Variants in ABAT observed in about 807,000 individuals in gnomAD.
The protein encoded by ABAT is 4-aminobutyrate aminotransferase, mitochondrial.
In ABAT, 45 loss-of-function variants were observed where a neutral mutation model predicts 64.6. That is an observed-to-expected ratio of 0.70 (90% CI 0.55 to 0.89). The LOEUF is 0.89. ABAT is among the 40% of genes least tolerant of loss of function. The pLI is 0.00. For synonymous variants in ABAT, 297 were observed against 250.5 expected (o/e 1.19, Z -1.75); for missense variants, 633 against 658.4 (o/e 0.96, Z 0.42).
Position 8,764,226 on chromosome 16 carries a change from A to G in ABAT, c.447+77A>G. On this transcript the variant is annotated intron_variant, in intron 7 of 15. Transcript: ENST00000268251. This position sits in a 1 kb window ranked among gnomAD's most constrained non-coding sequence, Gnocchi z 4.2. Reference sequence around the variant, plus strand: ...GAAGGGAAAAGTGGAGACGCCAACAATGAAGAATAAGGTGTTGCTACAGAA... The same window carrying G: ...GAAGGGAAAAGTGGAGACGCCAACAGTGAAGAATAAGGTGTTGCTACAGAA... 1 of 1,174,468 alleles carries G rather than the reference A, an allele frequency of 8.5e-7. No individual in the cohort carries two copies. Among genetic ancestry groups the G allele is most frequent in the Non-Finnish European group, 1.3e-6 (1 of 786,146 alleles). The allele number at this position is 1,174,468 out of a possible 1,614,324, so 72.8% of individuals were successfully genotyped here.
At chr16:8,687,531 CA>C (rs1032207160) in intron 1 of ABAT, among the ~76,000 whole-genome samples, 1 of 152,110 alleles carries the variant, frequency 6.6e-6, no homozygotes, top group South Asian at 2.1e-4. Flanking sequence ...TCTCAAAAAA[CA>C]AAAAACAAAA....
intron 6 of ABAT, among the ~76,000 whole-genome samples, chr16:8,758,064 C>T (rs1484878591): frequency 6.6e-6 from 1 of 152,170 alleles, no homozygotes; most frequent in African/African-American, 2.4e-5. Flanking sequence ...GTAAGGTAGG[C>T]AGCGCTTTGT....
At chr16:8,703,988 G>C (rs1442989270) in intron 1 of ABAT, among the ~76,000 whole-genome samples, 2 of 152,214 alleles carry the variant, frequency 1.3e-5, no homozygotes, top group African/African-American at 4.8e-5. Context: ...CCAGAGCACA[G>C]AGCCTCAAGA....
At chr16:8,700,190 T>C (rs572990153) in intron 1 of ABAT, among the ~76,000 whole-genome samples, 1 of 152,302 alleles carries the variant, frequency 6.6e-6, no homozygotes, top group East Asian at 1.9e-4. Flanking sequence ...GACATGAGTA[T>C]TGCAGGTGTG....
At chr16:8,773,103 T>TACACACAC (rs1354262302) in intron 12 of ABAT, among the ~76,000 whole-genome samples, 186 bp downstream of exon 12, 5 of 51,416 alleles carry the variant, frequency 9.7e-5, no homozygotes, top group African/African-American at 1.9e-4. Context: ...TCCCTAAAAC[T>TACACACAC]ATACACACAC....
intron 2 of ABAT, among the ~76,000 whole-genome samples, chr16:8,742,094 G>C (rs2059178132): frequency 6.6e-6 from 1 of 152,170 alleles, no homozygotes; most frequent in African/African-American, 2.4e-5. Flanking sequence ...CATCTGCCTT[G>C]GACCTGTCCT....
intron 2 of ABAT, chr16:8,736,863 C>G (rs2058956102): frequency 6.6e-6 from 1 of 152,368 alleles, no homozygotes; most frequent in East Asian, 1.9e-4. Flanking sequence ...CCATGTGGCT[C>G]TGGAGACAGA....
At position 8,764,409 on chromosome 16, in the gene ABAT, T is replaced by A. The variant is rs1461033251; in HGVS notation, c.447+260T>A. ...ATATGTCATTCAATCCTGCCCCCAC[T>A]TCTCGGTTTTAGTTACTACAAACGA... On this transcript the variant is annotated intron_variant, in intron 7 of 15. Coordinates refer to ENST00000268251, the MANE Select transcript of ABAT (RefSeq NM_020686.6). The surrounding 1 kb of genome is among the most constrained non-coding windows in gnomAD (Gnocchi z 4.2). Among the ~76,000 whole-genome samples the A allele has an allele frequency of 6.6e-6, 1 of 152,210 alleles. No homozygotes were observed. The highest frequency in any genetic ancestry group is 1.5e-5 in the Non-Finnish European group (1 of 68,032).
At chr16:8,683,888 T>G (rs34014796) in intron 1 of ABAT, among the ~76,000 whole-genome samples, 88,838 of 151,376 alleles carry the variant, frequency 0.59, 26,413 homozygotes, top group East Asian at 0.77. Flanking sequence ...TGTGTTCATT[T>G]ATTGCATGAT....
intron 11 of ABAT, among the ~76,000 whole-genome samples, chr16:8,770,750 G>A (rs1356098630): frequency 1.8e-4 from 27 of 152,126 alleles, no homozygotes; most frequent in Non-Finnish European, 2.4e-4. Context: ...CAGGAGTCAC[G>A]TTTTTTAAAA....
At chr16:8,754,722 C>CT (rs1158562828) in intron 5 of ABAT, among the ~76,000 whole-genome samples, 7 of 133,058 alleles carry the variant, frequency 5.3e-5, no homozygotes, top group African/African-American at 1.7e-4. Context: ...TTCTTTCTTT[C>CT]TTTTTTTTTT....
At chr16:8,742,006 C>A (rs1334838523) in intron 2 of ABAT, among the ~76,000 whole-genome samples, 1 of 152,152 alleles carries the variant, frequency 6.6e-6, no homozygotes, top group Non-Finnish European at 1.5e-5. Context: ...TTCCCCATTC[C>A]CCCCCTTTCT....
chr16:8,691,022 G>C (rs1413065720), intron 1 of ABAT, among the ~76,000 whole-genome samples: 2 of 151,126 alleles, frequency 1.3e-5, no homozygotes, highest in African/African-American at 4.9e-5. Flanking sequence ...AGAATTTTTA[G>C]AATAAGTATT....
intron 2 of ABAT, among the ~76,000 whole-genome samples, chr16:8,742,057 G>A (rs1440173835): frequency 3.9e-5 from 6 of 152,140 alleles, no homozygotes; most frequent in Non-Finnish European, 8.8e-5. Flanking sequence ...AACATGATAG[G>A]AGCTGATACA....
intron 1 of ABAT, among the ~76,000 whole-genome samples, chr16:8,726,384 C>T (rs1443464029): frequency 6.6e-6 from 1 of 151,322 alleles, no homozygotes; most frequent in African/African-American, 2.4e-5. Context: ...CCTCAGCCTC[C>T]CTAGTAACTG....
intron 1 of ABAT, among the ~76,000 whole-genome samples, chr16:8,701,847 G>A (rs1010521290): frequency 2.0e-5 from 3 of 152,070 alleles, no homozygotes; most frequent in Non-Finnish European, 4.4e-5. Flanking sequence ...GGAGTGGAAT[G>A]GGCAGGAGCA....
At chr16:8,768,775 T>A in intron 10 of ABAT, 50 bp from the exon 11 acceptor site, 1 of 1,613,126 alleles carries the variant, frequency 6.2e-7, no homozygotes, top group South Asian at 1.1e-5. Flanking sequence ...AAGACGGTAC[T>A]GCCTGCTTCC....
chr16:8,693,623 G>C (rs114992211), intron 1 of ABAT, among the ~76,000 whole-genome samples: 3,761 of 152,164 alleles, frequency 0.025, 151 homozygotes, highest in African/African-American at 0.086. Flanking sequence ...CATGTGCCAT[G>C]ATACTGGGCT....
intron 1 of ABAT, among the ~76,000 whole-genome samples, chr16:8,688,854 G>C (rs1036812640): frequency 6.6e-6 from 1 of 152,214 alleles, no homozygotes; most frequent in African/African-American, 2.4e-5. Flanking sequence ...AAGGCAGGTG[G>C]ATCACGAGGT....
Sources: allele counts gnomAD v4.1 joint callset (sites outside exome capture counted in the v4.1 genomes callset), GRCh38; gene constraint gnomAD v4.1.1; non-coding constraint Gnocchi (gnomAD v3.1); transcripts MANE v1.5; gene names NCBI Gene and HGNC (gene_info 2026-07-23, HGNC 2026-07-21).